Variants in TBC1D1 observed in about 807,000 individuals in gnomAD.
TBC1D1 encodes TBC1 (tre-2/USP6, BUB2, cdc16) domain family, member 1.
A neutral mutation model predicts 125.6 loss-of-function variants in TBC1D1; 89 were observed. The ratio of observed to expected loss-of-function variants is 0.71; its 90% CI spans 0.60 to 0.85. The LOEUF is 0.85. Ranked by LOEUF, TBC1D1 falls within the 40% of genes least tolerant of loss-of-function variation. The pLI, the probability that TBC1D1 is intolerant of heterozygous loss-of-function variation, is 0.00. For synonymous variants in TBC1D1, 565 were observed against 564.1 expected (o/e 1.00, Z -0.02); for missense variants, 1,377 against 1,469.2 (o/e 0.94, Z 1.03).
chr4:38,002,151 A>C (rs1008017368), intron 2 of TBC1D1, among the ~76,000 whole-genome samples: 11 of 152,178 alleles, frequency 7.2e-5, no homozygotes, highest in African/African-American at 2.7e-4. Flanking sequence ...TCTCTCACCT[A>C]AGACTAATCC....
At chr4:37,963,783 A>G (rs1051637512) in intron 2 of TBC1D1, among the ~76,000 whole-genome samples, 2 of 152,200 alleles carry the variant, frequency 1.3e-5, no homozygotes, top group Non-Finnish European at 1.5e-5. Context: ...AATTTTTAAG[A>G]TCCTAAGAAA....
intron 7 of TBC1D1, among the ~76,000 whole-genome samples, chr4:38,033,485 C>A (rs1746606064): frequency 6.6e-6 from 1 of 152,050 alleles, no homozygotes; most frequent in Non-Finnish European, 1.5e-5. Flanking sequence ...CCCACAGTTT[C>A]TCCGATTTTT....
chr4:37,989,352 C>G (rs1736082492), intron 2 of TBC1D1, among the ~76,000 whole-genome samples: 1 of 152,184 alleles, frequency 6.6e-6, no homozygotes, highest in Non-Finnish European at 1.5e-5. Context: ...CTATGACTTG[C>G]AACCTCCCCT....
chr4:38,082,805 T>C (rs1756805526), intron 12 of TBC1D1, among the ~76,000 whole-genome samples: 1 of 152,224 alleles, frequency 6.6e-6, no homozygotes, highest in Non-Finnish European at 1.5e-5. Context: ...CCGTGTGGTC[T>C]TCAGTGCTCC....
At chr4:37,975,660 G>A (rs1482132275) in intron 2 of TBC1D1, among the ~76,000 whole-genome samples, 4 of 152,170 alleles carry the variant, frequency 2.6e-5, no homozygotes, top group African/African-American at 9.7e-5. Context: ...GGCCCTGTCC[G>A]GGCATAACAG....
intron 15 of TBC1D1, chr4:38,111,834 T>A (rs1762249977): frequency 1.8e-6 from 1 of 571,368 alleles, no homozygotes; most frequent in Non-Finnish European, 2.2e-6. Flanking sequence ...ACGTGGACTG[T>A]GTTACAAAGT....
chr4:38,123,562 A>C (rs1392888263), intron 17 of TBC1D1, among the ~76,000 whole-genome samples: 2 of 152,194 alleles, frequency 1.3e-5, no homozygotes, highest in African/African-American at 2.4e-5. Flanking sequence ...TTAGTTCTCT[A>C]GTATATCTTC....
In TBC1D1 at chr4:38,020,473, C is replaced by A. The variant is rs1164602232; in HGVS notation, c.973-118C>A. 9.1e-6 allele frequency: 7 copies of A among 771,652 alleles called. No homozygotes were observed. The African/African-American group carries it at 1.2e-4, about 14-fold the overall frequency. 47.8% of individuals were successfully genotyped at this position (771,652 alleles called of 1,614,324 possible). A position where few individuals can be genotyped will look rare whatever the true frequency, so the allele number is the denominator to read the frequency against. On this transcript the variant is annotated intron_variant, in intron 4 of 19. Coordinates refer to ENST00000261439, the MANE Select transcript of TBC1D1 (RefSeq NM_015173.4). Reference sequence around the variant, plus strand: ...AGCCTGGGCAACAAGAGTAAAATTCCATCTCAAAAAGATAATAAAAAGTAA... The same window carrying A: ...AGCCTGGGCAACAAGAGTAAAATTCAATCTCAAAAAGATAATAAAAAGTAA...
At chr4:37,996,566 G>A (rs1251749732) in intron 2 of TBC1D1, among the ~76,000 whole-genome samples, 1 of 152,218 alleles carries the variant, frequency 6.6e-6, no homozygotes, top group Admixed American at 6.5e-5. Flanking sequence ...GAAGATCTGG[G>A]TTCTTGAACA....
At chr4:38,082,743 C>T (rs1756794531) in intron 12 of TBC1D1, among the ~76,000 whole-genome samples, 1 of 152,208 alleles carries the variant, frequency 6.6e-6, no homozygotes, top group Non-Finnish European at 1.5e-5. Flanking sequence ...CTCGCCCACC[C>T]AGGCCTGTTC....
chr4:38,077,701 T>A (rs1164738620), intron 12 of TBC1D1, among the ~76,000 whole-genome samples: 1 of 151,454 alleles, frequency 6.6e-6, no homozygotes, highest in East Asian at 1.9e-4. Flanking sequence ...ATTTCTCAAG[T>A]CTTGAGTCTG....
chr4:37,998,886 T>G (rs1738409833), intron 2 of TBC1D1, among the ~76,000 whole-genome samples: 1 of 152,230 alleles, frequency 6.6e-6, no homozygotes, highest in Admixed American at 6.5e-5. Context: ...TTCCTCCATG[T>G]GTATTTGATT....
At chr4:37,917,454 G>A (rs777164679) in intron 2 of TBC1D1, among the ~76,000 whole-genome samples, 4 of 152,166 alleles carry the variant, frequency 2.6e-5, no homozygotes, top group East Asian at 1.9e-4. Context: ...CAGCCTAGGC[G>A]ACAGAGCTAG....
At chr4:37,980,275 A>G (rs1349998085) in intron 2 of TBC1D1, among the ~76,000 whole-genome samples, 3 of 152,236 alleles carry the variant, frequency 2.0e-5, no homozygotes, top group Admixed American at 2.0e-4. Flanking sequence ...ACATTAGGGC[A>G]GGTGTACATT....
intron 2 of TBC1D1, among the ~76,000 whole-genome samples, chr4:37,929,913 G>A (rs542628212): frequency 6.6e-6 from 1 of 152,260 alleles, no homozygotes; most frequent in East Asian, 1.9e-4. Flanking sequence ...TACAAAAAAG[G>A]CAGAGGAGTG....
At chr4:37,896,754 C>G (rs1361366449) in intron 1 of TBC1D1, among the ~76,000 whole-genome samples, 1 of 151,064 alleles carries the variant, frequency 6.6e-6, no homozygotes, top group African/African-American at 2.4e-5. Context: ...TTAACTTTTC[C>G]AGAATCTAGT....
chr4:37,900,131 GAAA>G (rs545252964), intron 1 of TBC1D1, among the ~76,000 whole-genome samples: 2 of 118,666 alleles, frequency 1.7e-5, no homozygotes, highest in African/African-American at 6.4e-5. Context: ...AAAAAAAAAA[GAAA>G]AAAAAAAAAA....
chr4:38,045,898 A>G lies in TBC1D1; in HGVS notation c.1624A>G (p.Ser542Gly), dbSNP rs772799168. 3 of 1,613,718 alleles carry G rather than the reference A, an allele frequency of 1.9e-6. No homozygotes were observed. Among genetic ancestry groups the G allele is most frequent in the Non-Finnish European group, 2.5e-6 (3 of 1,179,622 alleles). Residue 542 changes from serine to glycine, a missense_variant, in exon 10 of 20, where the codon AGC becomes GGC. Physicochemically the swap from Ser to Gly is moderately conservative, Grantham distance 56. This residue lies in a region of TBC1D1 where 822 missense variants were observed against 824.6 expected (regional missense o/e 1.00). Coordinates refer to ENST00000261439, the MANE Select transcript of TBC1D1 (RefSeq NM_015173.4). The stretch of plus-strand genomic sequence containing the variant: ...CCTGTCTAGTACATTAAGTAACACC[A>G]GCAAAGTAAGCACATTTCTCTTTAT...
In TBC1D1 at chr4:38,044,353, CT is replaced by C; in HGVS notation, c.1414-3del. The C allele has an allele frequency of 6.3e-7, 1 of 1,590,458 alleles. No homozygotes were observed. The highest frequency in any genetic ancestry group is 8.5e-7 in the Non-Finnish European group (1 of 1,173,630). Reference sequence around the variant, plus strand: ...GCGATAAATGACTTTTCGTTTTTCACTTTTTTAGACATCGCAGATGGCAGCA... The same window carrying C: ...GCGATAAATGACTTTTCGTTTTTCACTTTTTAGACATCGCAGATGGCAGCA... On this transcript the variant is annotated splice_polypyrimidine_tract_variant and splice_region_variant and intron_variant, in intron 8 of 19. Coordinates refer to ENST00000261439, the MANE Select transcript of TBC1D1 (RefSeq NM_015173.4).
Sources: gnomAD v4.1 joint callset for allele counts (sites outside exome capture counted in the v4.1 genomes callset) on GRCh38, gnomAD v4.1.1 for gene constraint, gnomAD v4.1.1 regional missense constraint, MANE v1.5 for transcripts, NCBI Gene and HGNC (gene_info 2026-07-23, HGNC 2026-07-21) for gene names.